PLEKHM1: variants seen among roughly 807,000 people sequenced by gnomAD.
PLEKHM1 encodes the protein pleckstrin homology domain-containing family M member 1.
PLEKHM1 carries 28 observed loss-of-function variants against 94.3 expected under a neutral mutation model. The ratio of observed to expected loss-of-function variants is 0.30; its 90% confidence interval spans 0.22 to 0.41. PLEKHM1 has a LOEUF of 0.41. Ranked by LOEUF, PLEKHM1 falls within the 10% of genes least tolerant of loss-of-function variation. PLEKHM1 has a pLI of 1.00. For synonymous variants in PLEKHM1, 424 were observed against 581.2 expected (o/e 0.73, Z 3.89); for missense variants, 907 against 1,358.6 (o/e 0.67, Z 5.22).
At chr17:45,469,713 T>C (rs1192069755) in intron 4 of PLEKHM1, among the ~76,000 whole-genome samples, 2 of 152,194 alleles carry the variant, frequency 1.3e-5, no homozygotes, top group African/African-American at 4.8e-5. Flanking sequence ...CTCTGCACCA[T>C]CTTAACCCCA....
intron 5 of PLEKHM1, among the ~76,000 whole-genome samples, chr17:45,463,603 G>C (rs550861514): frequency 6.6e-6 from 1 of 152,298 alleles, no homozygotes; most frequent in South Asian, 2.1e-4. Context: ...ATATTGGTCA[G>C]GCTGGTCTCA....
At chr17:45,457,172 GAAAAAAAAAAAA>G (rs980455854) in intron 6 of PLEKHM1, among the ~76,000 whole-genome samples, 1 of 56,322 alleles carries the variant, frequency 1.8e-5, no homozygotes, top group African/African-American at 7.8e-5. Context: ...CTCTGCCTCA[GAAAAAAAAAAAA>G]AAAAAAAAAG....
intron 9 of PLEKHM1, among the ~76,000 whole-genome samples, chr17:45,443,366 C>T (rs543716449): frequency 5.3e-5 from 8 of 152,144 alleles, no homozygotes; most frequent in African/African-American, 1.7e-4. Context: ...ATTTTATAGA[C>T]GGGAAAGCTG....
At chr17:45,440,045 TAC>T (rs1337740381) in intron 10 of PLEKHM1, 116 bp downstream of exon 10, 2 of 988,238 alleles carry the variant, frequency 2.0e-6, no homozygotes, top group East Asian at 2.4e-5. Flanking sequence ...GCAGAAAAGC[TAC>T]AGACTGCTGT....
chr17:45,441,681 G>C (rs1354121642), intron 9 of PLEKHM1, among the ~76,000 whole-genome samples: 1 of 152,178 alleles, frequency 6.6e-6, no homozygotes, highest in African/African-American at 2.4e-5. Context: ...CTCAGTCAAG[G>C]CCAGAGGGGA....
At chr17:45,465,538 A>T (rs970623933) in intron 5 of PLEKHM1, among the ~76,000 whole-genome samples, 6 of 151,866 alleles carry the variant, frequency 4.0e-5, no homozygotes, top group Admixed American at 3.9e-4. Context: ...GTGAAACCCC[A>T]TAATTTTGTA....
At chr17:45,455,925 C>T (rs900826972) in intron 6 of PLEKHM1, among the ~76,000 whole-genome samples, 10 of 152,222 alleles carry the variant, frequency 6.6e-5, no homozygotes, top group Admixed American at 5.2e-4. Flanking sequence ...CCACAGGCCT[C>T]GTCAGATTGA....
In PLEKHM1 at chr17:45,454,110, C is replaced by T. The variant is rs747998318; in HGVS notation, c.1742G>A (p.Arg581His). The change falls in exon 7 of 12, where the codon CGC becomes CAC. Residue 581 changes from arginine (R) to histidine (H), a missense_variant. Coordinates refer to ENST00000430334, the MANE Select transcript of PLEKHM1 (RefSeq NM_014798.3). ...ATGGGCTGGCCCCACAGACTCACAG[C>T]GAAGCAGCGAGCAGTTCTCCACACA... ...HTCVENCSLL[R>H]CESVGPAHSD... 3.2e-5 allele frequency: 52 copies of T among 1,614,086 alleles called. No homozygotes were observed. Among genetic ancestry groups the T allele is most frequent in the African/African-American group, 1.6e-4 (12 of 74,952 alleles).
At position 45,437,154 on chromosome 17, in the gene PLEKHM1, C is replaced by T. The variant is rs766766464; in HGVS notation, c.*704G>A. On this transcript the variant is annotated 3_prime_UTR_variant, in exon 12 of 12. Transcript: ENST00000430334. This position sits in a 1 kb window ranked among gnomAD's most constrained non-coding sequence, Gnocchi z 4.0. Reference sequence around the variant, plus strand: ...GCTAGGGGCTCTGACGCTGAGAAAGCGGTGGGCTCAGCAGGCGAGACGCAC... The same window carrying T: ...GCTAGGGGCTCTGACGCTGAGAAAGTGGTGGGCTCAGCAGGCGAGACGCAC... The T allele has an allele frequency of 7.1e-5, 32 of 453,156 alleles. No individual in the cohort carries two copies. The highest frequency in any genetic ancestry group is 3.1e-4 in the South Asian group (20 of 64,462). The allele number at this position is 453,156 out of a possible 1,614,324, so 28.1% of individuals were successfully genotyped here. A position where few individuals can be genotyped will look rare whatever the true frequency, so the allele number is the denominator to read the frequency against.
rs941755962 is a variant in PLEKHM1, at chr17:45,445,049, C to G, written c.2837+421G>C. On this transcript the variant is annotated intron_variant, in intron 9 of 11. Transcript: ENST00000430334. This position sits in a 1 kb window ranked among gnomAD's most constrained non-coding sequence, Gnocchi z 4.2. ...TCCGGCGGGTCGGCCCTGGCTCTGT[C>G]CTGCTCATTGTTGGAGCCTACATGC... Among the ~76,000 whole-genome samples the G allele has an allele frequency of 6.6e-6, 1 of 152,254 alleles. No homozygotes were observed. The highest frequency in any genetic ancestry group is 2.4e-5 in the African/African-American group (1 of 41,478).
At chr17:45,488,690 G>A (rs1026503884) in intron 1 of PLEKHM1, among the ~76,000 whole-genome samples, 31 of 152,212 alleles carry the variant, frequency 2.0e-4, no homozygotes, top group African/African-American at 6.5e-4. Flanking sequence ...CGTAATCCCA[G>A]CACTTTGGGA....
intron 8 of PLEKHM1, among the ~76,000 whole-genome samples, chr17:45,446,477 G>T (rs894173577): frequency 6.6e-6 from 1 of 152,130 alleles, no homozygotes; most frequent in Non-Finnish European, 1.5e-5. Flanking sequence ...CTGAACACCA[G>T]GCTGCTGCAC....
At chr17:45,458,465 T>A (rs1158188968) in intron 5 of PLEKHM1, 26 bp from the exon 6 acceptor site, 4 of 1,601,638 alleles carry the variant, frequency 2.5e-6, no homozygotes, top group Non-Finnish European at 2.6e-6. Flanking sequence ...ACAACAGTTG[T>A]TTGTTTTAAA....
At position 45,453,727 on chromosome 17, in the gene PLEKHM1, C is replaced by A. The variant is rs2050848861; in HGVS notation, c.2125G>T (p.Ala709Ser). ...TTCCTGATGCGGAAACATTTCAGAG[C>A]CTCCAAGGACAGAGAAAATATATAG... Reference protein sequence around the residue: ...MPYIFSLSLEALKCFRIRNNE... With the variant: ...MPYIFSLSLESLKCFRIRNNE... The change falls in exon 7 of 12, where the codon GCT becomes TCT. Residue 709 changes from alanine to serine, a missense_variant. Ala to Ser is a moderately conservative substitution (Grantham distance 99, BLOSUM62 1). Coordinates refer to ENST00000430334, the MANE Select transcript of PLEKHM1 (RefSeq NM_014798.3). The surrounding 1 kb of genome is among the most constrained non-coding windows in gnomAD (Gnocchi z 4.1). 2 of 1,613,818 alleles carry A rather than the reference C, an allele frequency of 1.2e-6. No individual in the cohort carries two copies. The highest frequency in any genetic ancestry group is 1.7e-6 in the Non-Finnish European group (2 of 1,179,854).
chr17:45,443,653 C>G (rs529408894), intron 9 of PLEKHM1, among the ~76,000 whole-genome samples: 1 of 151,918 alleles, frequency 6.6e-6, no homozygotes, highest in African/African-American at 2.4e-5. Context: ...GTCCACAACC[C>G]ACCCCACAGG....
At chr17:45,469,117 G>A (rs2051417592) in intron 4 of PLEKHM1, among the ~76,000 whole-genome samples, 1 of 151,900 alleles carries the variant, frequency 6.6e-6, no homozygotes. Flanking sequence ...GGACAGCAAG[G>A]GGAGGTGCAA....
In PLEKHM1 at chr17:45,445,112, A is replaced by G. The variant is rs530946380; in HGVS notation, c.2837+358T>C. Among the ~76,000 whole-genome samples, 5 of 152,350 alleles carry G rather than the reference A, an allele frequency of 3.3e-5. No homozygotes were observed. Among genetic ancestry groups the G allele is most frequent in the African/African-American group, 1.2e-4 (5 of 41,574 alleles). ...GCAGTGCTTAGTATGTTCTCAGTCC[A>G]TGTTTTTGAGTGAACAAATAGATAC... is the stretch of plus-strand genomic sequence containing the variant. On this transcript the variant is annotated intron_variant, in intron 9 of 11. Transcript: ENST00000430334. This position sits in a 1 kb window ranked among gnomAD's most constrained non-coding sequence, Gnocchi z 4.2.
At chr17:45,439,675 C>T (rs529248216) in intron 10 of PLEKHM1, 41 bp from the exon 11 acceptor site, 29 of 1,611,066 alleles carry the variant, frequency 1.8e-5, no homozygotes, top group South Asian at 9.9e-5. Context: ...ACCCCGTCTG[C>T]GATCTGCGGA....
At chr17:45,482,550 T>C (rs943246307) in intron 1 of PLEKHM1, 25 bp from the exon 2 acceptor site, 2 of 988,574 alleles carry the variant, frequency 2.0e-6, no homozygotes, top group Non-Finnish European at 3.2e-6. Flanking sequence ...GGCAGCCAGA[T>C]GAATGGGCAG....
Sources: allele counts gnomAD v4.1 joint callset (sites outside exome capture counted in the v4.1 genomes callset), GRCh38; gene constraint gnomAD v4.1.1; non-coding constraint Gnocchi (gnomAD v3.1); transcripts MANE v1.5; gene names NCBI Gene and HGNC (gene_info 2026-07-23, HGNC 2026-07-21).